Variants in PEX5L observed in about 807,000 individuals in gnomAD.
PEX5L encodes peroxisomal biogenesis factor 5 like.
Under a neutral mutation model 84.0 loss-of-function variants are expected in PEX5L, and 30 were observed. The observed-to-expected ratio is 0.36, with a 90% CI of 0.27 to 0.48. PEX5L has a LOEUF of 0.48. Among genes scored for constraint, PEX5L ranks in the 20% least tolerant of loss-of-function variants. PEX5L has a pLI of 0.99. For synonymous variants in PEX5L, 270 were observed against 283.1 expected (o/e 0.95, Z 0.46); for missense variants, 533 against 754.6 (o/e 0.71, Z 3.44).
intron 2 of PEX5L, among the ~76,000 whole-genome samples, chr3:179,944,882 T>A (rs1777106399): frequency 6.6e-6 from 1 of 152,122 alleles, no homozygotes. Flanking sequence ...ACAAAACTAG[T>A]AAGTGGGCAG....
chr3:179,817,790 C>T (rs1386934012), intron 9 of PEX5L, among the ~76,000 whole-genome samples: 1 of 152,118 alleles, frequency 6.6e-6, no homozygotes, highest in East Asian at 1.9e-4. Context: ...GGACAAAATG[C>T]CCCATCAAAA....
intron 2 of PEX5L, among the ~76,000 whole-genome samples, chr3:179,909,918 C>T (rs943433071): frequency 5.3e-5 from 8 of 152,214 alleles, no homozygotes; most frequent in Middle Eastern, 3.4e-3. Context: ...CCTCCAGAAA[C>T]GGGAGAAAAT....
In PEX5L at chr3:179,898,130, G is replaced by A; in HGVS notation, c.198+12C>T. 6.5e-7 allele frequency: 1 copy of A among 1,542,612 alleles called. No individual in the cohort carries two copies. On this transcript the variant is annotated intron_variant, in intron 3 of 14. Transcript: ENST00000467460. ...TGTCAGCTTCCTACAGAAACCCTATGGGTCTGCCCACCTGTGATGTCATAG... is the reference window on the plus strand; with the variant it reads ...TGTCAGCTTCCTACAGAAACCCTATAGGTCTGCCCACCTGTGATGTCATAG...
intron 8 of PEX5L, among the ~76,000 whole-genome samples, chr3:179,835,497 C>T (rs1182290257): frequency 6.6e-6 from 1 of 152,080 alleles, no homozygotes; most frequent in Non-Finnish European, 1.5e-5. Flanking sequence ...GAGGACAAAA[C>T]AGCAATAGTG....
chr3:179,852,299 T>C (rs1186397988), intron 8 of PEX5L, among the ~76,000 whole-genome samples: 1 of 152,162 alleles, frequency 6.6e-6, no homozygotes, highest in African/African-American at 2.4e-5. Flanking sequence ...ACAGTCTGCA[T>C]GATGTGGTAG....
intron 2 of PEX5L, among the ~76,000 whole-genome samples, chr3:179,951,689 C>T (rs2109968446): frequency 6.6e-6 from 1 of 152,186 alleles, no homozygotes; most frequent in South Asian, 2.1e-4. Context: ...TGATATAATA[C>T]CAGATTTCCT....
At chr3:179,947,549 T>C (rs1777899832) in intron 2 of PEX5L, among the ~76,000 whole-genome samples, 1 of 151,994 alleles carries the variant, frequency 6.6e-6, no homozygotes, top group South Asian at 2.1e-4. Flanking sequence ...AGTAGTAGAA[T>C]AACACAGGCT....
intron 2 of PEX5L, among the ~76,000 whole-genome samples, chr3:179,937,310 C>T (rs893021619): frequency 6.6e-6 from 1 of 152,000 alleles, no homozygotes; most frequent in Admixed American, 6.5e-5. Flanking sequence ...AACAAATGTA[C>T]CACAGTAATG....
chr3:179,972,178 A>C (rs561715591), intron 1 of PEX5L, among the ~76,000 whole-genome samples: 2 of 152,334 alleles, frequency 1.3e-5, no homozygotes, highest in East Asian at 3.9e-4. Context: ...CTGACATTGG[A>C]AAAACCAACT....
intron 2 of PEX5L, among the ~76,000 whole-genome samples, chr3:179,967,082 T>C (rs1783528470): frequency 6.6e-6 from 1 of 152,130 alleles, no homozygotes; most frequent in African/African-American, 2.4e-5. Flanking sequence ...CCTGTGAGGG[T>C]TCAATAAATA....
intron 8 of PEX5L, among the ~76,000 whole-genome samples, chr3:179,833,160 C>T (rs191220117): frequency 2.8e-4 from 43 of 152,170 alleles, no homozygotes; most frequent in African/African-American, 1.0e-3. Flanking sequence ...CTGGGTTTAG[C>T]CTGTATGATT....
At chr3:179,897,597 T>C (rs1462483397) in intron 3 of PEX5L, among the ~76,000 whole-genome samples, 1 of 152,110 alleles carries the variant, frequency 6.6e-6, no homozygotes, top group African/African-American at 2.4e-5. Context: ...ACAAATGCCA[T>C]TTTCTGCATG....
chr3:179,968,715 GTGTGTGTC>G (rs1401710624), intron 2 of PEX5L, among the ~76,000 whole-genome samples: 1 of 131,550 alleles, frequency 7.6e-6, no homozygotes, highest in Admixed American at 7.8e-5. Flanking sequence ...GTGTGTGTGT[GTGTGTGTC>G]TGTGTGTGTC....
At chr3:179,896,675 T>C (rs970206968) in intron 3 of PEX5L, among the ~76,000 whole-genome samples, 8 of 152,114 alleles carry the variant, frequency 5.3e-5, no homozygotes, top group Non-Finnish European at 1.0e-4. Context: ...TGAGGTGATA[T>C]GTTACAGTAC....
chr3:179,970,937 C>G (rs558847878), intron 2 of PEX5L, among the ~76,000 whole-genome samples: 86 of 152,226 alleles, frequency 5.6e-4, no homozygotes, highest in African/African-American at 2.0e-3. Flanking sequence ...AGGGCTAGTA[C>G]CAATTCAGTG....
chr3:179,974,975 T>A (rs1041011416), intron 1 of PEX5L, among the ~76,000 whole-genome samples: 1 of 152,128 alleles, frequency 6.6e-6, no homozygotes, highest in African/African-American at 2.4e-5. Context: ...GGCAGGAGGA[T>A]CACTTGAGGC....
Position 179,934,669 on chromosome 3 carries a change from A to G in PEX5L, c.94-36423T>C, listed in dbSNP as rs1375284946. ...AAGCAAATAAAAATTATCTAACCAG[A>G]AAATATTATTATGAATCTAATATCA... On this transcript the variant is annotated intron_variant, in intron 2 of 14. Transcript: ENST00000467460. 2.0e-5 allele frequency among the ~76,000 whole-genome samples: 3 copies of G among 152,214 alleles called. No homozygotes were observed. The East Asian group carries it at 5.8e-4, about 29-fold the overall frequency.
At chr3:179,975,902 A>G (rs1053071188) in intron 1 of PEX5L, among the ~76,000 whole-genome samples, 2 of 152,236 alleles carry the variant, frequency 1.3e-5, no homozygotes, top group African/African-American at 4.8e-5. Flanking sequence ...CTGAAAAGAT[A>G]CTTGCTGAGT....
intron 1 of PEX5L, among the ~76,000 whole-genome samples, chr3:180,025,286 A>G (rs1561080469): frequency 6.6e-6 from 1 of 152,182 alleles, no homozygotes; most frequent in Non-Finnish European, 1.5e-5. Context: ...CAGGACAGTA[A>G]GGACTCTTCT....
Sources: gnomAD v4.1 joint callset for allele counts (sites outside exome capture counted in the v4.1 genomes callset) on GRCh38, gnomAD v4.1.1 for gene constraint, MANE v1.5 for transcripts, NCBI Gene and HGNC (gene_info 2026-07-23, HGNC 2026-07-21) for gene names.